The following SMU1 variants were observed in gnomAD, a reference collection of about 807,000 sequenced individuals.
SMU1 encodes SMU1 DNA replication regulator and spliceosomal factor.
SMU1 carries 2 observed loss-of-function variants against 62.0 expected under a neutral mutation model. The ratio of observed to expected loss-of-function variants is 0.03; its 90% CI spans 0.01 to 0.10. SMU1 has a LOEUF of 0.10. SMU1 is among the 10% of genes least tolerant of loss of function. The probability of loss-of-function intolerance (pLI) is 1.00; values close to 1 mark genes in which losing one functional copy is unlikely to be tolerated. For synonymous variants in SMU1, 188 were observed against 212.4 expected (o/e 0.89, Z 1.00); for missense variants, 227 against 622.1 (o/e 0.36, Z 6.76).
chr9:33,047,969 G>A, intron 11 of SMU1, 137 bp downstream of exon 11: 1 of 663,722 alleles, frequency 1.5e-6, no homozygotes, highest in Admixed American at 3.2e-5. Flanking sequence ...AATTTGACAT[G>A]GAGCTAAATG....
intron 9 of SMU1, among the ~76,000 whole-genome samples, chr9:33,054,001 G>A (rs1031500276): frequency 2.7e-5 from 4 of 148,872 alleles, no homozygotes; most frequent in African/African-American, 5.2e-5. Flanking sequence ...AACCAAACAG[G>A]GGGTCGGCCA....
chr9:33,062,918 CA>C (rs1839379031), intron 4 of SMU1, among the ~76,000 whole-genome samples: 1 of 152,014 alleles, frequency 6.6e-6, no homozygotes, highest in South Asian at 2.1e-4. Context: ...AGCTGCTTTC[CA>C]AAAAAAGTTG....
Position 33,042,187 on chromosome 9 carries a change from C to T in SMU1, c.*5106G>A, listed in dbSNP as rs1342517100. The T allele has an allele frequency of 2.0e-5, 3 of 152,696 alleles. No homozygotes were observed. Among genetic ancestry groups the T allele is most frequent in the African/African-American group, 7.2e-5 (3 of 41,432 alleles). The allele number at this position is 152,696 out of a possible 1,614,324, so 9.5% of individuals were successfully genotyped here. A position where few individuals can be genotyped will look rare whatever the true frequency, so the allele number is the denominator to read the frequency against. On this transcript the variant is annotated 3_prime_UTR_variant, in exon 12 of 12. Transcript: ENST00000397149. ...GGCAAAAACCGCAATTACTTTTGCACTAACCTAATAGTTATATCCTGAAGA... is the reference window on the plus strand; with the variant it reads ...GGCAAAAACCGCAATTACTTTTGCATTAACCTAATAGTTATATCCTGAAGA...
intron 1 of SMU1, among the ~76,000 whole-genome samples, chr9:33,074,772 CTTTT>C (rs757049046): frequency 1.5e-5 from 2 of 133,952 alleles, no homozygotes; most frequent in Non-Finnish European, 1.6e-5. Context: ...CAAACATCCT[CTTTT>C]TTTTTTTTTT....
At chr9:33,048,648 C>T (rs1047315716) in intron 10 of SMU1, among the ~76,000 whole-genome samples, 2 of 152,212 alleles carry the variant, frequency 1.3e-5, no homozygotes, top group Non-Finnish European at 2.9e-5. Flanking sequence ...TTTCCCCATA[C>T]AGGATGACAC....
intron 9 of SMU1, among the ~76,000 whole-genome samples, chr9:33,054,321 T>C (rs1345005889): frequency 2.0e-5 from 3 of 152,100 alleles, no homozygotes; most frequent in Non-Finnish European, 2.9e-5. Flanking sequence ...CTGGCTCAAA[T>C]AGAGGCTTTT....
At chr9:33,057,464 G>A in intron 7 of SMU1, 134 bp downstream of exon 7, 3 of 1,117,430 alleles carry the variant, frequency 2.7e-6, no homozygotes, top group South Asian at 1.5e-5. Context: ...ATAAGAAAAA[G>A]TAAAGTGATT....
intron 6 of SMU1, 150 bp downstream of exon 6, chr9:33,060,315 A>G: frequency 1.5e-6 from 1 of 683,976 alleles, no homozygotes. Context: ...CACTGTCCCT[A>G]GCTTTAAATG....
At chr9:33,059,569 C>T (rs1839340258) in intron 6 of SMU1, among the ~76,000 whole-genome samples, 1 of 149,316 alleles carries the variant, frequency 6.7e-6, no homozygotes, top group Admixed American at 6.6e-5. Context: ...CAGCCTGGGC[C>T]ACAAGGGCGA....
chr9:33,061,232 T>A (rs1839358134), intron 5 of SMU1, among the ~76,000 whole-genome samples: 1 of 152,232 alleles, frequency 6.6e-6, no homozygotes, highest in Non-Finnish European at 1.5e-5. Flanking sequence ...AATGTGGATT[T>A]CACCTTAAAT....
intron 10 of SMU1, among the ~76,000 whole-genome samples, chr9:33,052,891 C>T (rs903195357): frequency 2.0e-5 from 3 of 152,122 alleles, no homozygotes; most frequent in African/African-American, 7.2e-5. Flanking sequence ...TTCCTTTATC[C>T]GAAGGATGAA....
chr9:33,066,529 T>C (rs10813931), intron 4 of SMU1, among the ~76,000 whole-genome samples: 49,874 of 131,852 alleles, frequency 0.38, 9,615 homozygotes, highest in Non-Finnish European at 0.41. Flanking sequence ...AAAAAAAGGC[T>C]GGGTGCGGTG....
chr9:33,064,469 C>G (rs763212504), intron 4 of SMU1, among the ~76,000 whole-genome samples: 2 of 152,088 alleles, frequency 1.3e-5, no homozygotes, highest in Non-Finnish European at 2.9e-5. Flanking sequence ...GACCTCTCCC[C>G]CGCAATTCTA....
At chr9:33,073,868 C>A in intron 1 of SMU1, 62 bp from the exon 2 acceptor site, 1 of 1,439,452 alleles carries the variant, frequency 6.9e-7, no homozygotes, top group Non-Finnish European at 9.7e-7. Context: ...AAAATAAAGC[C>A]TATCAAGCTC....
At chr9:33,067,282 T>C (rs1839431820) in intron 4 of SMU1, among the ~76,000 whole-genome samples, 1 of 133,478 alleles carries the variant, frequency 7.5e-6, no homozygotes, top group South Asian at 2.3e-4. Flanking sequence ...CTGAAGAAAG[T>C]TAGTTGCTAA....
intron 3 of SMU1, among the ~76,000 whole-genome samples, chr9:33,070,781 A>G (rs1159186464): frequency 6.6e-6 from 1 of 152,234 alleles, no homozygotes; most frequent in Non-Finnish European, 1.5e-5. Flanking sequence ...AGGCACAGAA[A>G]GACAGACTTT....
chr9:33,071,670 A>T, intron 3 of SMU1, 70 bp downstream of exon 3: 1 of 1,479,792 alleles, frequency 6.8e-7, no homozygotes, highest in Non-Finnish European at 9.1e-7. Flanking sequence ...TGGTAAAAAA[A>T]AAAAAAAAAG....
At chr9:33,071,643 A>C (rs1839488084) in intron 3 of SMU1, 97 bp downstream of exon 3, 1 of 1,196,206 alleles carries the variant, frequency 8.4e-7, no homozygotes, top group Non-Finnish European at 1.2e-6. Flanking sequence ...CAAAATCACA[A>C]AGAGTATACA....
Position 33,044,041 on chromosome 9 carries a change from C to T in SMU1, c.*3252G>A, listed in dbSNP as rs1009931007. On this transcript the variant is annotated 3_prime_UTR_variant, in exon 12 of 12. Transcript: ENST00000397149. ...CATACTACTCCCAAATACCTCCGCG[C>T]AATGTTTTCCAGTCATTAATTCAAC... 2 of 147,454 alleles carry T rather than the reference C, an allele frequency of 1.4e-5. No individual in the cohort carries two copies. Among genetic ancestry groups the T allele is most frequent in the Non-Finnish European group, 3.0e-5 (2 of 67,048 alleles). 9.1% of individuals were successfully genotyped at this position (147,454 alleles called of 1,614,324 possible).
Sources: allele counts gnomAD v4.1 joint callset (sites outside exome capture counted in the v4.1 genomes callset), GRCh38; gene constraint gnomAD v4.1.1; transcripts MANE v1.5; gene names NCBI Gene and HGNC (gene_info 2026-07-23, HGNC 2026-07-21).